RANBP17: variants seen among roughly 807,000 people sequenced by gnomAD.
RANBP17 encodes ran-binding protein 17.
A neutral mutation model predicts 141.2 loss-of-function variants in RANBP17; 158 were observed. The observed-to-expected ratio is 1.12, with a 90% confidence interval of 0.98 to 1.28. RANBP17 has a LOEUF of 1.28. Ranked by LOEUF, RANBP17 falls within the 50% of genes most tolerant of loss-of-function variation. RANBP17 has a pLI of 0.00. For synonymous variants in RANBP17, 430 were observed against 450.0 expected (o/e 0.96, Z 0.56); for missense variants, 1,438 against 1,290.7 (o/e 1.11, Z -1.75).
At chr5:171,128,602 G>T (rs1327254078) in intron 14 of RANBP17, among the ~76,000 whole-genome samples, 2 of 152,126 alleles carry the variant, frequency 1.3e-5, no homozygotes, top group African/African-American at 2.4e-5. Context: ...GTACAGTAAG[G>T]TGACTATAAC....
At chr5:171,101,063 G>A (rs751376455) in intron 14 of RANBP17, among the ~76,000 whole-genome samples, 1 of 152,158 alleles carries the variant, frequency 6.6e-6, no homozygotes, top group East Asian at 1.9e-4. Context: ...ATGCTGAGAA[G>A]AATGTATATT....
At chr5:170,881,655 A>G (rs1768702303) in intron 2 of RANBP17, 151 bp from the exon 3 acceptor site, 1 of 523,392 alleles carries the variant, frequency 1.9e-6, no homozygotes, top group Non-Finnish European at 3.4e-6. Context: ...TTCTGTATGT[A>G]TGTATCTCAA....
chr5:171,138,587 C>T (rs1405679794), intron 14 of RANBP17, among the ~76,000 whole-genome samples: 2 of 150,744 alleles, frequency 1.3e-5, no homozygotes, highest in African/African-American at 4.9e-5. Context: ...ATAGTGCAGG[C>T]TTAGAGAACG....
chr5:171,139,695 T>A (rs191742475), intron 14 of RANBP17, among the ~76,000 whole-genome samples: 160 of 152,342 alleles, frequency 1.1e-3, no homozygotes, highest in African/African-American at 3.8e-3. Context: ...CTCTTTTACT[T>A]GGGATATTAC....
chr5:170,961,087 G>A (rs565763227), intron 13 of RANBP17, among the ~76,000 whole-genome samples: 4 of 91,238 alleles, frequency 4.4e-5, no homozygotes, highest in African/African-American at 5.9e-5. Flanking sequence ...CCTTTTTGTC[G>A]CAACACTATG....
chr5:171,064,870 TA>T (rs765136011), intron 14 of RANBP17, among the ~76,000 whole-genome samples: 147 of 146,320 alleles, frequency 1.0e-3, no homozygotes, highest in Middle Eastern at 3.5e-3. Context: ...TTCCTCAATT[TA>T]AAAAAAAAAA....
chr5:171,028,516 T>C (rs1423629049), intron 14 of RANBP17, among the ~76,000 whole-genome samples: 1 of 152,156 alleles, frequency 6.6e-6, no homozygotes, highest in Non-Finnish European at 1.5e-5. Flanking sequence ...ATGCTGAATG[T>C]AGACATCTTC....
chr5:171,227,873 G>C (rs779071413), intron 22 of RANBP17, among the ~76,000 whole-genome samples: 1 of 152,080 alleles, frequency 6.6e-6, no homozygotes, highest in African/African-American at 2.4e-5. Flanking sequence ...ACTGGATGAC[G>C]GCACATCTGT....
At chr5:171,216,817 C>T (rs942413546) in intron 21 of RANBP17, among the ~76,000 whole-genome samples, 4 of 152,260 alleles carry the variant, frequency 2.6e-5, no homozygotes, top group East Asian at 3.9e-4. Flanking sequence ...TGGGCTGAGA[C>T]GATGAGGTTT....
chr5:171,014,214 C>A (rs1780275642), intron 14 of RANBP17, among the ~76,000 whole-genome samples: 1 of 151,574 alleles, frequency 6.6e-6, no homozygotes, highest in African/African-American at 2.4e-5. Flanking sequence ...CTATCTATGT[C>A]TTTATATAAA....
chr5:171,268,937 G>T (rs567648159), intron 25 of RANBP17, among the ~76,000 whole-genome samples: 1 of 152,288 alleles, frequency 6.6e-6, no homozygotes, highest in South Asian at 2.1e-4. Context: ...GAATTAGCGT[G>T]CATTTGTTGG....
At chr5:171,148,045 A>G (rs1267214910) in intron 14 of RANBP17, among the ~76,000 whole-genome samples, 1 of 152,210 alleles carries the variant, frequency 6.6e-6, no homozygotes, top group Non-Finnish European at 1.5e-5. Flanking sequence ...TTCTGCACTA[A>G]GAAAAATTCT....
At chr5:171,071,485 G>A (rs1784629534) in intron 14 of RANBP17, among the ~76,000 whole-genome samples, 1 of 151,746 alleles carries the variant, frequency 6.6e-6, no homozygotes, top group Admixed American at 6.6e-5. Context: ...AAGCCAGTGG[G>A]GTCCTGGCCA....
intron 1 of RANBP17, among the ~76,000 whole-genome samples, chr5:170,869,323 C>CTTTTTTT (rs70982310): frequency 1.6e-5 from 2 of 125,490 alleles, no homozygotes; most frequent in Admixed American, 8.6e-5. Context: ...GCTCACAACA[C>CTTTTTTT]TTTTTTTTTT....
intron 14 of RANBP17, among the ~76,000 whole-genome samples, chr5:171,003,342 G>A (rs1779358620): frequency 6.6e-6 from 1 of 152,170 alleles, no homozygotes; most frequent in Non-Finnish European, 1.5e-5. Context: ...GGTCAGCTAG[G>A]TTTCCTTTTG....
chr5:171,012,737 C>A (rs551444934), intron 14 of RANBP17, among the ~76,000 whole-genome samples: 1 of 152,078 alleles, frequency 6.6e-6, no homozygotes, highest in African/African-American at 2.4e-5. Context: ...ATTTTCATGA[C>A]AGTTTTAATA....
At chr5:171,064,627 G>A (rs1330058063) in intron 14 of RANBP17, among the ~76,000 whole-genome samples, 5 of 152,118 alleles carry the variant, frequency 3.3e-5, no homozygotes, top group Admixed American at 3.3e-4. Flanking sequence ...CTTCCAAGGA[G>A]CTGGGACTAC....
chr5:171,022,589 T>C (rs1216599463), intron 14 of RANBP17, among the ~76,000 whole-genome samples: 6 of 152,048 alleles, frequency 3.9e-5, no homozygotes, highest in Admixed American at 3.9e-4. Context: ...CCACAGCCGG[T>C]GTGTTGGGCT....
chr5:170,893,292 A>T (rs1280366206), intron 4 of RANBP17, among the ~76,000 whole-genome samples: 1 of 152,060 alleles, frequency 6.6e-6, no homozygotes, highest in African/African-American at 2.4e-5. Context: ...GCAAGAAAAC[A>T]TTAAACTAAA....
Sources: allele counts gnomAD v4.1 joint callset (sites outside exome capture counted in the v4.1 genomes callset), GRCh38; gene constraint gnomAD v4.1.1; transcripts MANE v1.5; gene names NCBI Gene and HGNC (gene_info 2026-07-23, HGNC 2026-07-21).